The following PCDHGA1 variants were observed in gnomAD, a reference collection of about 807,000 sequenced individuals.
PCDHGA1 encodes the protein protocadherin gamma subfamily A, 1, also known as protocadherin gamma-A1.
PCDHGA1 carries 32 observed loss-of-function variants against 58.0 expected under a neutral mutation model. The ratio of observed to expected loss-of-function variants is 0.55; its 90% CI spans 0.42 to 0.74. The LOEUF (loss-of-function observed/expected upper bound fraction) is 0.74. PCDHGA1 is among the 30% of genes least tolerant of loss of function. The probability of loss-of-function intolerance (pLI) is 0.00; values close to 1 mark genes in which losing one functional copy is unlikely to be tolerated. For synonymous variants in PCDHGA1, 498 were observed against 501.1 expected (o/e 0.99, Z 0.08); for missense variants, 1,205 against 1,182.3 (o/e 1.02, Z -0.28).
At chr5:141,456,057 C>T (rs2098842079) in intron 1 of PCDHGA1, among the ~76,000 whole-genome samples, 1 of 151,914 alleles carries the variant, frequency 6.6e-6, no homozygotes, top group South Asian at 2.1e-4. Context: ...ACCACCACGT[C>T]CGGCTAATTT....
intron 1 of PCDHGA1, among the ~76,000 whole-genome samples, chr5:141,435,946 A>C (rs953432473): frequency 6.6e-6 from 1 of 152,174 alleles, no homozygotes; most frequent in Non-Finnish European, 1.5e-5. Flanking sequence ...CTGAGACCAA[A>C]AAAGGGGGCA....
intron 1 of PCDHGA1, among the ~76,000 whole-genome samples, chr5:141,349,205 C>A (rs141929057): frequency 3.3e-5 from 5 of 151,242 alleles, no homozygotes; most frequent in African/African-American, 1.2e-4. Flanking sequence ...GAGTAGCTGG[C>A]GTTACAGGTA....
chr5:141,395,414 T>A (rs1254527655), intron 1 of PCDHGA1: 7 of 780,958 alleles, frequency 9.0e-6, no homozygotes, highest in Non-Finnish European at 1.4e-5. Flanking sequence ...TAGGTTATTG[T>A]TTCATTTGCT....
chr5:141,498,967 GGGAGGGAAGGAAGGAA>G (rs1333462541), intron 2 of PCDHGA1, among the ~76,000 whole-genome samples: 8 of 129,672 alleles, frequency 6.2e-5, no homozygotes, highest in East Asian at 2.2e-4. Context: ...GAGGGAGGGA[GGGAGGGAAGGAAGGAA>G]GGAAGGAAGG....
chr5:141,372,821 C>T (rs1174181623), intron 1 of PCDHGA1: 2 of 1,566,320 alleles, frequency 1.3e-6, no homozygotes, highest in Non-Finnish European at 1.7e-6. Flanking sequence ...TGAGTTTCTT[C>T]AAACCTTTCC....
intron 1 of PCDHGA1, chr5:141,475,966 A>T (rs1252698069): frequency 2.3e-6 from 2 of 888,664 alleles, no homozygotes; most frequent in Admixed American, 5.2e-5. Flanking sequence ...GGGATGAGGC[A>T]GAGACTGAAC....
In PCDHGA1 at chr5:141,332,983, C is replaced by G. The variant is rs1023490947; in HGVS notation, c.2299C>G (p.His767Asp). The stretch of plus-strand genomic sequence containing the variant: ...CCTCACTGCGGACTCGCGGAAGAGC[C>G]ACCTGATTTTCCCCCAGCCCAACTA... The part of the protein sequence containing the change: ...VSLTADSRKS[H>D]LIFPQPNYAD... Residue 767 changes from histidine to aspartate, a missense_variant, in exon 1 of 4, where the codon CAC becomes GAC. By Grantham distance (81) the His-to-Asp change is moderately conservative. Coordinates refer to ENST00000517417, the MANE Select transcript of PCDHGA1 (RefSeq NM_018912.3). This position sits in a 1 kb window ranked among gnomAD's most constrained non-coding sequence, Gnocchi z 4.6. 3 of 1,614,190 alleles carry G rather than the reference C, an allele frequency of 1.9e-6. No individual in the cohort carries two copies. Among genetic ancestry groups the G allele is most frequent in the Non-Finnish European group, 1.7e-6 (2 of 1,180,044 alleles).
intron 1 of PCDHGA1, among the ~76,000 whole-genome samples, chr5:141,397,572 C>T (rs374731219): frequency 1.8e-4 from 27 of 152,196 alleles, no homozygotes; most frequent in Middle Eastern, 3.4e-3. Context: ...AGAGCAAGAA[C>T]TGTATCATAT....
Position 141,357,088 on chromosome 5 carries a change from C to T in PCDHGA1, c.2421+23983C>T, listed in dbSNP as rs530114356. ...GCACACAGGCGAGGTGCGCACCGCA[C>T]GGGCCCTGCTGGACAGAGACGCGCT... On this transcript the variant is annotated intron_variant, in intron 1 of 3. Transcript: ENST00000517417. The T allele has an allele frequency of 4.7e-5, 76 of 1,613,900 alleles. No individual in the cohort carries two copies. The South Asian group carries it at 8.2e-4, about 17-fold the overall frequency.
intron 1 of PCDHGA1, chr5:141,339,714 G>A (rs1418817730): frequency 6.2e-7 from 1 of 1,614,168 alleles, no homozygotes; most frequent in Admixed American, 1.7e-5. Context: ...CCCGAGTACC[G>A]CATAAGCATT....
chr5:141,427,138 A>G (rs1397576025), intron 1 of PCDHGA1: 1 of 456,954 alleles, frequency 2.2e-6, no homozygotes, highest in Non-Finnish European at 4.4e-6. Context: ...CTACGAGATG[A>G]TATTGGAAAT....
chr5:141,395,237 G>C (rs760516487), intron 1 of PCDHGA1: 2 of 1,590,946 alleles, frequency 1.3e-6, no homozygotes, highest in Non-Finnish European at 8.6e-7. Flanking sequence ...ATCATGGTCA[G>C]GTGAGTTTAG....
At chr5:141,375,282 A>G (rs564045445) in intron 1 of PCDHGA1, 6 of 1,613,866 alleles carry the variant, frequency 3.7e-6, no homozygotes, top group Middle Eastern at 1.6e-4. Flanking sequence ...TCAGTTGGCA[A>G]TTATTATCGA....
At chr5:141,424,022 A>G (rs2096795541) in intron 1 of PCDHGA1, 13 of 1,046,584 alleles carry the variant, frequency 1.2e-5, no homozygotes, top group Non-Finnish European at 1.4e-5. Context: ...ATGATTCACA[A>G]ACACTTTTTA....
At chr5:141,478,306 G>A (rs1316502939) in intron 1 of PCDHGA1, 2 of 1,614,056 alleles carry the variant, frequency 1.2e-6, no homozygotes, top group South Asian at 2.2e-5. Flanking sequence ...ACCGAGCCCC[G>A]GTGAGCTCAC....
At chr5:141,418,755 G>A (rs1489556538) in intron 1 of PCDHGA1, 8 of 1,613,898 alleles carry the variant, frequency 5.0e-6, no homozygotes, top group South Asian at 1.1e-5. Context: ...TACACTACAG[G>A]AAACATTCTA....
intron 1 of PCDHGA1, chr5:141,410,304 T>C (rs1232480024): frequency 6.2e-7 from 1 of 1,614,024 alleles, no homozygotes; most frequent in Non-Finnish European, 8.5e-7. Context: ...TTAATCTCAG[T>C]GCTCTTCCTC....
chr5:141,348,513 G>A (rs1460641115), intron 1 of PCDHGA1, among the ~76,000 whole-genome samples: 4 of 152,098 alleles, frequency 2.6e-5, no homozygotes, highest in Admixed American at 6.5e-5. Context: ...GCTGTGTCAG[G>A]GGAAATTTGG....
chr5:141,370,473 C>T (rs1248894639), intron 1 of PCDHGA1: 2 of 1,613,496 alleles, frequency 1.2e-6, no homozygotes, highest in Non-Finnish European at 1.7e-6. Flanking sequence ...TTTGTTAGAC[C>T]AGGCTCTCTC....
Sources: gnomAD v4.1 joint callset for allele counts (sites outside exome capture counted in the v4.1 genomes callset) on GRCh38, gnomAD v4.1.1 for gene constraint, Gnocchi (gnomAD v3.1) non-coding constraint, MANE v1.5 for transcripts, NCBI Gene and HGNC (gene_info 2026-07-23, HGNC 2026-07-21) for gene names.